HDAC9: variants seen among roughly 807,000 people sequenced by gnomAD.
HDAC9 encodes MEF-2 interacting transcription repressor (MITR) protein.
HDAC9 carries 41 observed loss-of-function variants against 139.4 expected under a neutral mutation model. That is an observed-to-expected ratio of 0.29 (90% CI 0.23 to 0.38). The LOEUF (loss-of-function observed/expected upper bound fraction) is 0.38. HDAC9 is among the 10% of genes least tolerant of loss of function. The pLI, the probability that HDAC9 is intolerant of heterozygous loss-of-function variation, is 1.00. For missense variants in HDAC9, 1,147 were observed against 1,297.0 expected, an observed-to-expected ratio of 0.88 and a Z score of 1.78; for synonymous variants, 517 against 476.2, an observed-to-expected ratio of 1.09 and a Z score of -1.12.
At chr7:18,926,627 T>G (rs1408058208) in intron 22 of HDAC9, among the ~76,000 whole-genome samples, 15 of 151,386 alleles carry the variant, frequency 9.9e-5, no homozygotes, top group Admixed American at 9.9e-4. Context: ...CGTAGATGGA[T>G]GGAGGGATGG....
chr7:18,594,963 A>C (rs1379000023), intron 6 of HDAC9, among the ~76,000 whole-genome samples: 1 of 152,124 alleles, frequency 6.6e-6, no homozygotes, highest in African/African-American at 2.4e-5. Flanking sequence ...TGAAATCTGC[A>C]GAGTGAAAAT....
intron 1 of HDAC9, among the ~76,000 whole-genome samples, chr7:18,432,872 A>G (rs570674864): frequency 9.7e-4 from 147 of 151,588 alleles, no homozygotes; most frequent in African/African-American, 3.4e-3. Context: ...AATGGCATGA[A>G]CCCGGGAGGC....
At chr7:18,630,076 T>C (rs1355339389) in intron 7 of HDAC9, among the ~76,000 whole-genome samples, 1 of 152,038 alleles carries the variant, frequency 6.6e-6, no homozygotes, top group Non-Finnish European at 1.5e-5. Flanking sequence ...CTGCCTGTTT[T>C]AGTAGAGGGG....
intron 17 of HDAC9, among the ~76,000 whole-genome samples, chr7:18,821,723 A>G (rs956743134): frequency 1.3e-4 from 20 of 152,192 alleles, no homozygotes; most frequent in African/African-American, 4.3e-4. Context: ...ATAGAATCAG[A>G]TCTCACAAGT....
intron 25 of HDAC9, among the ~76,000 whole-genome samples, chr7:18,992,173 A>C (rs146063485): frequency 1.3e-5 from 2 of 152,230 alleles, no homozygotes; most frequent in African/African-American, 4.8e-5. Context: ...CATTCTCAGC[A>C]TAAGTCTTTA....
intron 22 of HDAC9, among the ~76,000 whole-genome samples, chr7:18,901,349 G>A (rs1181205830): frequency 2.0e-5 from 3 of 151,424 alleles, no homozygotes; most frequent in Admixed American, 6.6e-5. Flanking sequence ...AAATATCTCA[G>A]AGTTAAAAAA....
intron 22 of HDAC9, among the ~76,000 whole-genome samples, chr7:18,918,265 G>A (rs1803385901): frequency 6.6e-6 from 1 of 151,728 alleles, no homozygotes; most frequent in Non-Finnish European, 1.5e-5. Flanking sequence ...ATGGAGTGCT[G>A]AGGCCAGTCT....
intron 2 of HDAC9, among the ~76,000 whole-genome samples, chr7:18,272,961 ACTAC>A (rs1796459644): frequency 9.6e-6 from 1 of 104,102 alleles, no homozygotes; most frequent in African/African-American, 3.4e-5. Context: ...TACTACTACT[ACTAC>A]TATTTCTTCC....
chr7:18,663,541 G>T (rs904597284), intron 11 of HDAC9, among the ~76,000 whole-genome samples: 1 of 151,842 alleles, frequency 6.6e-6, no homozygotes, highest in Admixed American at 6.6e-5. Context: ...CCGGTACTCA[G>T]TTCCTATTCC....
At chr7:18,367,893 T>A (rs1283089686) in intron 1 of HDAC9, among the ~76,000 whole-genome samples, 3 of 152,122 alleles carry the variant, frequency 2.0e-5, no homozygotes, top group African/African-American at 7.2e-5. Context: ...GTTCGTGTGA[T>A]CATTTGCACT....
intron 1 of HDAC9, among the ~76,000 whole-genome samples, chr7:18,412,176 C>T (rs1788631119): frequency 6.6e-6 from 1 of 151,962 alleles, no homozygotes; most frequent in Non-Finnish European, 1.5e-5. Flanking sequence ...GGTTATAACC[C>T]CATCCTAAGT....
chr7:18,561,199 C>T (rs1820489898), intron 2 of HDAC9, among the ~76,000 whole-genome samples: 2 of 152,168 alleles, frequency 1.3e-5, no homozygotes, highest in South Asian at 4.1e-4. Flanking sequence ...GCATGTGCTT[C>T]TCCAAAAGAA....
At chr7:18,391,979 T>C (rs113670430) in intron 1 of HDAC9, among the ~76,000 whole-genome samples, 2,733 of 152,242 alleles carry the variant, frequency 0.018, 76 homozygotes, top group African/African-American at 0.061. Context: ...CACACTTTAC[T>C]TTTACTTGTA....
At chr7:18,244,020 C>A (rs1317217676) in intron 2 of HDAC9, among the ~76,000 whole-genome samples, 1 of 152,100 alleles carries the variant, frequency 6.6e-6, no homozygotes, top group Non-Finnish European at 1.5e-5. Flanking sequence ...TGAGTTTATC[C>A]CATGGAGGGG....
intron 16 of HDAC9, among the ~76,000 whole-genome samples, chr7:18,777,691 A>G (rs891524840): frequency 6.6e-6 from 1 of 152,010 alleles, no homozygotes; most frequent in Admixed American, 6.6e-5. Context: ...TTATGCTTTA[A>G]CCATTTTAGC....
At chr7:18,310,748 G>C (rs184745184) in intron 1 of HDAC9, among the ~76,000 whole-genome samples, 5 of 151,446 alleles carry the variant, frequency 3.3e-5, no homozygotes, top group African/African-American at 1.2e-4. Context: ...TACAGCTATA[G>C]AATCAGGGGA....
chr7:18,908,061 C>A lies in HDAC9; in HGVS notation c.2804-27748C>A, dbSNP rs183859940. On this transcript the variant is annotated intron_variant, in intron 22 of 25. Transcript: ENST00000686413. The stretch of plus-strand genomic sequence containing the variant: ...TAGTAGAAAAACACTTTATATGGAC[C>A]ATTTTTAAATGTCACATGGAATAGT... 4.1e-3 allele frequency among the ~76,000 whole-genome samples: 625 copies of A among 151,922 alleles called. 2 individuals carry two copies. The highest frequency in any genetic ancestry group is 0.01 in the Middle Eastern group (3 of 294).
rs1458054871 is a variant in HDAC9, at chr7:18,789,281, TAC to T, written c.2215-4061_2215-4060del. On this transcript the variant is annotated intron_variant, in intron 16 of 25. Transcript: ENST00000686413. ...ACTCCTTAATGCACACGCAGACACA[TAC>T]ACGCACACACACACACACACACACA... Among the ~76,000 whole-genome samples the T allele has an allele frequency of 1.7e-4, 9 of 52,342 alleles. No individual in the cohort carries two copies. In the East Asian group the frequency reaches 2.8e-3, roughly 16 times the overall value. 34.3% of individuals were successfully genotyped at this position (52,342 alleles called of 152,430 possible). A position where few individuals can be genotyped will look rare whatever the true frequency, so the allele number is the denominator to read the frequency against.
At chr7:18,620,847 G>C (rs369445186) in intron 6 of HDAC9, among the ~76,000 whole-genome samples, 1 of 151,700 alleles carries the variant, frequency 6.6e-6, no homozygotes, top group Non-Finnish European at 1.5e-5. Context: ...TTTTTTTCCC[G>C]ATATGTAAAG....
Sources: gnomAD v4.1 joint callset for allele counts (sites outside exome capture counted in the v4.1 genomes callset) on GRCh38, gnomAD v4.1.1 for gene constraint, MANE v1.5 for transcripts, NCBI Gene and HGNC (gene_info 2026-07-23, HGNC 2026-07-21) for gene names.